DMXL1: variants seen among roughly 807,000 people sequenced by gnomAD.
DMXL1 encodes Dmx like 1.
A neutral mutation model predicts 319.2 loss-of-function variants in DMXL1; 99 were observed. That is an observed-to-expected ratio of 0.31 (90% CI 0.26 to 0.37). The LOEUF (loss-of-function observed/expected upper bound fraction) is 0.37, where lower values mean the gene tolerates loss of function less well. Ranked by LOEUF, DMXL1 falls within the 10% of genes least tolerant of loss-of-function variation. The pLI is 1.00. For missense variants in DMXL1, 3,745 were observed against 3,595.6 expected, an observed-to-expected ratio of 1.04 and a Z score of -1.06; for synonymous variants, 1,385 against 1,235.2, an observed-to-expected ratio of 1.12 and a Z score of -2.54.
At position 119,237,435 on chromosome 5, in the gene DMXL1, T is replaced by C. The variant is rs1479756819; in HGVS notation, c.8559+21T>C. 3 of 1,470,180 alleles carry C rather than the reference T, an allele frequency of 2.0e-6. No individual in the cohort carries two copies. In the East Asian group the frequency reaches 6.8e-5, roughly 33 times the overall value. The allele number at this position is 1,470,180 out of a possible 1,614,324, so 91.1% of individuals were successfully genotyped here. Reference sequence around the variant, plus strand: ...ACCTGGTAAGCCAAGAATTTCTACCTTTAAATAAAATTTGAATTTTCATTT... The same window carrying C: ...ACCTGGTAAGCCAAGAATTTCTACCCTTAAATAAAATTTGAATTTTCATTT... On this transcript the variant is annotated intron_variant, in intron 40 of 43. Transcript: ENST00000539542.
At chr5:119,242,031 C>T (rs765840815) in intron 42 of DMXL1, among the ~76,000 whole-genome samples, 19 of 152,004 alleles carry the variant, frequency 1.2e-4, no homozygotes, top group Admixed American at 4.6e-4. Flanking sequence ...TATTTGTGTG[C>T]GTATGTTTCA....
At chr5:119,110,076 A>G in intron 4 of DMXL1, 75 bp from the exon 5 acceptor site, 1 of 1,349,522 alleles carries the variant, frequency 7.4e-7, no homozygotes, top group South Asian at 1.4e-5. Flanking sequence ...GTTGTTTTAT[A>G]TGAAATTCTT....
chr5:119,165,597 AC>A (rs1398890185), intron 21 of DMXL1, among the ~76,000 whole-genome samples: 6 of 152,304 alleles, frequency 3.9e-5, no homozygotes, highest in Admixed American at 2.6e-4. Flanking sequence ...ATAAAGACAT[AC>A]CCAAGACTGG....
intron 10 of DMXL1, among the ~76,000 whole-genome samples, chr5:119,130,947 T>G (rs938546264): frequency 2.6e-5 from 4 of 152,038 alleles, no homozygotes; most frequent in African/African-American, 9.7e-5. Flanking sequence ...TTCCTCTAAG[T>G]GTATCTAAAT....
chr5:119,107,598 T>A (rs1024461922), intron 4 of DMXL1, among the ~76,000 whole-genome samples: 2 of 152,210 alleles, frequency 1.3e-5, no homozygotes, highest in Non-Finnish European at 2.9e-5. Flanking sequence ...CCATATTATA[T>A]CTTACCTACT....
At chr5:119,117,384 A>G (rs1479962610) in intron 7 of DMXL1, among the ~76,000 whole-genome samples, 1 of 152,016 alleles carries the variant, frequency 6.6e-6, no homozygotes, top group Non-Finnish European at 1.5e-5. Context: ...ACTTGGCCAC[A>G]CCATGTGGCA....
At chr5:119,152,110 G>T (rs1418704043) in intron 19 of DMXL1, 74 bp downstream of exon 19, 17 of 952,714 alleles carry the variant, frequency 1.8e-5, no homozygotes, top group Non-Finnish European at 2.4e-5. Context: ...TTTTAAACTT[G>T]TTTTTACCCA....
chr5:119,153,015 C>T (rs747418916), intron 19 of DMXL1, among the ~76,000 whole-genome samples: 1 of 150,924 alleles, frequency 6.6e-6, no homozygotes, highest in Non-Finnish European at 1.5e-5. Flanking sequence ...CTTGCTCTGT[C>T]ACCCAGGCTG....
chr5:119,184,243 T>C (rs1777289343), intron 28 of DMXL1, among the ~76,000 whole-genome samples: 1 of 152,056 alleles, frequency 6.6e-6, no homozygotes. Flanking sequence ...TTAAGTTTTA[T>C]TTTTATAGAG....
intron 5 of DMXL1, among the ~76,000 whole-genome samples, chr5:119,113,202 C>T (rs113489204): frequency 6.6e-6 from 1 of 151,526 alleles, no homozygotes; most frequent in African/African-American, 2.4e-5. Context: ...CACATATACA[C>T]ATCTTTTGCA....
chr5:119,148,677 A>G (rs1337360365), intron 17 of DMXL1, 62 bp from the exon 18 acceptor site: 1 of 1,490,860 alleles, frequency 6.7e-7, no homozygotes, highest in African/African-American at 1.4e-5. Context: ...AATCGTAAGT[A>G]CATAAAAACA....
rs70982467 is a variant in DMXL1 at position 119,089,999 on chromosome 5, C to CTTTTTTTTTT, written c.88-7951_88-7942dup. On this transcript the variant is annotated intron_variant, in intron 1 of 43. Transcript: ENST00000539542. Reference sequence around the variant, plus strand: ...TGATTATTTTATGCTTCGGGTTAGTCTTTTTTTTTTTTTTTTTTTTTTTTT... The same window carrying CTTTTTTTTTT: ...TGATTATTTTATGCTTCGGGTTAGTCTTTTTTTTTTTTTTTTTTTTTTTTTTTTTTTTTTT... Among the ~76,000 whole-genome samples the CTTTTTTTTTT allele has an allele frequency of 3.9e-3, 134 of 34,400 alleles. 46 individuals carry two copies. Among genetic ancestry groups the CTTTTTTTTTT allele is most frequent in the Non-Finnish European group, 5.1e-3 (95 of 18,760 alleles). 22.6% of individuals were successfully genotyped at this position (34,400 alleles called of 152,430 possible).
At chr5:119,238,927 A>T in intron 40 of DMXL1, 62 bp from the exon 41 acceptor site, 1 of 1,594,218 alleles carries the variant, frequency 6.3e-7, no homozygotes. Context: ...CGAAGAATAC[A>T]TTTACCTGGT....
At chr5:119,167,180 C>T (rs555612069) in intron 22 of DMXL1, among the ~76,000 whole-genome samples, 1 of 152,180 alleles carries the variant, frequency 6.6e-6, no homozygotes, top group African/African-American at 2.4e-5. Flanking sequence ...ATTTAAGATA[C>T]AACATTTCTG....
In DMXL1 at chr5:119,164,664, A is replaced by T; in HGVS notation, c.4860A>T (p.Lys1620Asn). The change falls in exon 20 of 44, where the codon AAA becomes AAT. Residue 1620 changes from lysine (K) to asparagine (N), a missense_variant. Around this residue, in one of 4 missense-constraint regions of DMXL1, gnomAD observed 2,096 missense variants for 1,985.4 expected, o/e 1.06. Coordinates refer to ENST00000539542, the MANE Select transcript of DMXL1 (RefSeq NM_001290321.3). ...TCCGGAATACCCGCATCTTACGCAA[A>T]TGCATAGAAAAAGTAAGTGTTTTAT... ...WWVRNTRILR[K>N]CIEKVAKAAF... 1 of 1,595,012 alleles carries T rather than the reference A, an allele frequency of 6.3e-7. No individual in the cohort carries two copies. The highest frequency in any genetic ancestry group is 8.6e-7 in the Non-Finnish European group (1 of 1,168,034).
At position 119,162,137 on chromosome 5, in the gene DMXL1, G is replaced by A. The variant is rs746167859; in HGVS notation, c.4703-2370G>A. Among the ~76,000 whole-genome samples the A allele has an allele frequency of 8.5e-5, 13 of 152,094 alleles. 1 individual carries two copies. The highest frequency in any genetic ancestry group is 1.4e-4 in the African/African-American group (6 of 41,404). The stretch of plus-strand genomic sequence containing the variant: ...ATCTAGGGAATTTTCTTCTTGTACC[G>A]CAAGCAAATCAGCTGGGATGGGAAC... On this transcript the variant is annotated intron_variant, in intron 19 of 43. Coordinates refer to ENST00000539542, the MANE Select transcript of DMXL1 (RefSeq NM_001290321.3).
chr5:119,197,962 T>G lies in DMXL1; in HGVS notation c.7745+6T>G. On this transcript the variant is annotated splice_donor_region_variant and intron_variant, in intron 32 of 43. Coordinates refer to ENST00000539542, the MANE Select transcript of DMXL1 (RefSeq NM_001290321.3). The stretch of plus-strand genomic sequence containing the variant: ...CCTACAAACACTCCTTTCAAGTAGG[T>G]TTTCTTATGAATGCTATTTGGGTTT... 1 of 1,613,880 alleles carries G rather than the reference T, an allele frequency of 6.2e-7. No homozygotes were observed. Among genetic ancestry groups the G allele is most frequent in the Non-Finnish European group, 8.5e-7 (1 of 1,179,820 alleles).
chr5:119,118,324 A>G lies in DMXL1; in HGVS notation c.744-491A>G, dbSNP rs547295751. 4.6e-5 allele frequency among the ~76,000 whole-genome samples: 7 copies of G among 152,376 alleles called. No homozygotes were observed. The South Asian group carries it at 1.4e-3, about 32-fold the overall frequency. ...TTTATAGGAAGTAGAAATGAAGCAT[A>G]TGATATAATTCAAAGAACTATCCAC... On this transcript the variant is annotated intron_variant, in intron 7 of 43. Coordinates refer to ENST00000539542, the MANE Select transcript of DMXL1 (RefSeq NM_001290321.3).
At chr5:119,238,688 A>G (rs564462781) in intron 40 of DMXL1, among the ~76,000 whole-genome samples, 2 of 152,296 alleles carry the variant, frequency 1.3e-5, no homozygotes, top group South Asian at 4.1e-4. Context: ...GGGTCATGAT[A>G]TATGCAGCCT....
Sources: allele counts gnomAD v4.1 joint callset (sites outside exome capture counted in the v4.1 genomes callset), GRCh38; gene constraint gnomAD v4.1.1; regional missense constraint gnomAD v4.1.1; transcripts MANE v1.5; gene names NCBI Gene and HGNC (gene_info 2026-07-23, HGNC 2026-07-21).